DLGAP2: variants seen among roughly 807,000 people sequenced by gnomAD.
DLGAP2 encodes DLG associated protein 2.
DLGAP2 carries 26 observed loss-of-function variants against 100.3 expected under a neutral mutation model. The ratio of observed to expected loss-of-function variants is 0.26; its 90% CI spans 0.19 to 0.36. The LOEUF is 0.36. Ranked by LOEUF, DLGAP2 falls within the 10% of genes least tolerant of loss-of-function variation. The pLI, the probability that DLGAP2 is intolerant of heterozygous loss-of-function variation, is 1.00. For synonymous variants in DLGAP2, 886 were observed against 630.1 expected (o/e 1.41, Z -6.08); for missense variants, 1,858 against 1,453.2 (o/e 1.28, Z -4.53).
At chr8:747,224 G>A (rs972860001) in intron 1 of DLGAP2, among the ~76,000 whole-genome samples, 10 of 152,078 alleles carry the variant, frequency 6.6e-5, no homozygotes, top group African/African-American at 2.2e-4. Context: ...CCCACAACGC[G>A]TCATACTTCT....
At chr8:1,594,353 G>A (rs1046248006) in intron 6 of DLGAP2, among the ~76,000 whole-genome samples, 1 of 152,070 alleles carries the variant, frequency 6.6e-6, no homozygotes, top group Non-Finnish European at 1.5e-5. Context: ...AGAGAACAAT[G>A]AAGGAACAAA....
At chr8:1,265,474 A>T (rs1799432199) in intron 3 of DLGAP2, among the ~76,000 whole-genome samples, 1 of 152,240 alleles carries the variant, frequency 6.6e-6, no homozygotes, top group South Asian at 2.1e-4. Flanking sequence ...CTTGAGAAAG[A>T]CAAACACATG....
At chr8:1,072,333 A>G (rs1803459673) in intron 2 of DLGAP2, among the ~76,000 whole-genome samples, 1 of 152,172 alleles carries the variant, frequency 6.6e-6, no homozygotes. Flanking sequence ...CCTATTCATT[A>G]ATTCTTCATC....
At chr8:1,606,873 C>T (rs1263208291) in intron 6 of DLGAP2, among the ~76,000 whole-genome samples, 6 of 152,162 alleles carry the variant, frequency 3.9e-5, no homozygotes, top group East Asian at 1.9e-4. Context: ...TTGGTAGAGA[C>T]GAGATTTCAT....
At chr8:1,075,235 C>G (rs1460110336) in intron 2 of DLGAP2, among the ~76,000 whole-genome samples, 2 of 152,176 alleles carry the variant, frequency 1.3e-5, no homozygotes, top group Non-Finnish European at 2.9e-5. Flanking sequence ...ACCACTCCGG[C>G]TGCCTTTTCG....
chr8:855,244 T>G (rs1380500851), intron 1 of DLGAP2, among the ~76,000 whole-genome samples: 1 of 152,170 alleles, frequency 6.6e-6, no homozygotes, highest in Non-Finnish European at 1.5e-5. Flanking sequence ...TTCATTTCCT[T>G]TCTCTTTTTT....
intron 2 of DLGAP2, among the ~76,000 whole-genome samples, chr8:988,111 A>T (rs1800540712): frequency 6.6e-6 from 1 of 151,908 alleles, no homozygotes; most frequent in Non-Finnish European, 1.5e-5. Context: ...GAGTTGCGTT[A>T]TTTTCTATGG....
At chr8:1,535,959 A>G (rs566998971) in intron 4 of DLGAP2, among the ~76,000 whole-genome samples, 1 of 152,318 alleles carries the variant, frequency 6.6e-6, no homozygotes, top group Admixed American at 6.5e-5. Context: ...TGCGTGGCAG[A>G]CACGTTGCCA....
chr8:982,196 A>T (rs1207117301), intron 2 of DLGAP2, among the ~76,000 whole-genome samples: 2 of 152,164 alleles, frequency 1.3e-5, no homozygotes, highest in Non-Finnish European at 2.9e-5. Context: ...GCATTTCTTC[A>T]TCTACGGAGC....
intron 1 of DLGAP2, among the ~76,000 whole-genome samples, chr8:833,059 A>G (rs542345638): frequency 6.6e-6 from 1 of 152,330 alleles, no homozygotes; most frequent in Non-Finnish European, 1.5e-5. Flanking sequence ...ACATCCTCCC[A>G]TCATCCCCAT....
chr8:1,546,861 G>A (rs1458254133), intron 4 of DLGAP2, among the ~76,000 whole-genome samples: 3 of 152,158 alleles, frequency 2.0e-5, no homozygotes, highest in Non-Finnish European at 4.4e-5. Context: ...ATTCGTTCCG[G>A]GATCCGAGGC....
chr8:1,249,905 G>C (rs1361382002), intron 2 of DLGAP2, among the ~76,000 whole-genome samples: 7 of 152,022 alleles, frequency 4.6e-5, no homozygotes, highest in Non-Finnish European at 1.0e-4. Flanking sequence ...TTTTGAGAGA[G>C]AGTCTTGCTC....
At position 759,110 on chromosome 8, in the gene DLGAP2, A is replaced by G. The variant is rs1352499349; in HGVS notation, c.18+21285A>G. Among the ~76,000 whole-genome samples, 273 of 67,816 alleles carry G rather than the reference A, an allele frequency of 4.0e-3. 2 individuals are homozygous for G. Among genetic ancestry groups the G allele is most frequent in the Non-Finnish European group, 7.7e-3 (230 of 30,054 alleles). 44.5% of individuals were successfully genotyped at this position (67,816 alleles called of 152,430 possible). A position where few individuals can be genotyped will look rare whatever the true frequency, so the allele number is the denominator to read the frequency against. On this transcript the variant is annotated intron_variant, in intron 1 of 14. Transcript: ENST00000637795. ...CCTTCCTGTTATCAATACCCCCGAC[A>G]GCCTTCCCATTATCAATACCCCTGA...
At chr8:872,248 T>C (rs1002573024) in intron 1 of DLGAP2, among the ~76,000 whole-genome samples, 1 of 152,032 alleles carries the variant, frequency 6.6e-6, no homozygotes, top group African/African-American at 2.4e-5. Flanking sequence ...CCAGAACTAT[T>C]AGGACAGATG....
intron 3 of DLGAP2, among the ~76,000 whole-genome samples, chr8:1,361,416 C>A (rs578089121): frequency 7.1e-4 from 108 of 152,320 alleles, no homozygotes; most frequent in African/African-American, 2.5e-3. Context: ...AAACAGAAAT[C>A]TATGTGTTGC....
At chr8:913,812 A>C (rs577083183) in intron 2 of DLGAP2, among the ~76,000 whole-genome samples, 7 of 152,356 alleles carry the variant, frequency 4.6e-5, no homozygotes, top group Admixed American at 3.3e-4. Flanking sequence ...AATTATCCAC[A>C]TGTGACTTTC....
At chr8:975,143 A>G (rs1047278137) in intron 2 of DLGAP2, among the ~76,000 whole-genome samples, 3 of 152,234 alleles carry the variant, frequency 2.0e-5, no homozygotes, top group Non-Finnish European at 4.4e-5. Context: ...GATAACCTGC[A>G]TGAAATGGAC....
chr8:1,368,398 TG>T (rs1802160633), intron 3 of DLGAP2, among the ~76,000 whole-genome samples: 1 of 149,290 alleles, frequency 6.7e-6, no homozygotes, highest in Admixed American at 6.7e-5. Flanking sequence ...TGTGTGGGTA[TG>T]TGTGTGTGCA....
chr8:1,187,217 A>C (rs1419373293), intron 2 of DLGAP2, among the ~76,000 whole-genome samples: 7 of 152,150 alleles, frequency 4.6e-5, no homozygotes, highest in African/African-American at 1.7e-4. Flanking sequence ...ACGGAATTTC[A>C]CACGGGACCT....
Sources: gnomAD v4.1 joint callset for allele counts (sites outside exome capture counted in the v4.1 genomes callset) on GRCh38, gnomAD v4.1.1 for gene constraint, MANE v1.5 for transcripts, NCBI Gene and HGNC (gene_info 2026-07-23, HGNC 2026-07-21) for gene names.